The following HSBP1 variants were observed in gnomAD, a reference collection of about 807,000 sequenced individuals.
The protein encoded by HSBP1 is heat shock factor-binding protein 1.
In HSBP1, 5 loss-of-function variants were observed where a neutral mutation model predicts 9.6. The observed-to-expected ratio is 0.52, with a 90% CI of 0.27 to 1.09. The LOEUF is 1.09. HSBP1 is among the 50% of genes least tolerant of loss of function. The probability of loss-of-function intolerance (pLI) is 0.11; values close to 1 mark genes in which losing one functional copy is unlikely to be tolerated. For synonymous variants in HSBP1, 42 were observed against 33.3 expected, an observed-to-expected ratio of 1.26 and a Z score of -0.90; for missense variants, 121 against 96.3, an observed-to-expected ratio of 1.26 and a Z score of -1.07.
chr16:83,814,253 T>C lies in HSBP1; in HGVS notation c.*2835T>C, dbSNP rs145342378. On this transcript the variant is annotated 3_prime_UTR_variant, in exon 4 of 4. Coordinates refer to ENST00000433866, the MANE Select transcript of HSBP1 (RefSeq NM_001537.4). ...AGCTAGCGCCATTGAAAGCATTGAC[T>C]GTAAACCGCTGTACTGTGCTAAGCC... is the stretch of plus-strand genomic sequence containing the variant. 77 of 152,388 alleles carry C rather than the reference T, an allele frequency of 5.1e-4. No individual in the cohort carries two copies. The highest frequency in any genetic ancestry group is 1.8e-3 in the African/African-American group (73 of 41,592). 9.4% of individuals were successfully genotyped at this position (152,388 alleles called of 1,614,324 possible). A position where few individuals can be genotyped will look rare whatever the true frequency, so the allele number is the denominator to read the frequency against.
rs1035868905 is a variant in HSBP1 at position 83,816,081 on chromosome 16, A to C, written c.*4663A>C. On this transcript the variant is annotated 3_prime_UTR_variant, in exon 4 of 4. Transcript: ENST00000433866. ...AAGGGAGGGCAGCTCTGGGGCGAGT[A>C]AATTCTGCACCTCAGTAAAACTAAG... The C allele has an allele frequency of 6.6e-6, 1 of 152,192 alleles. No homozygotes were observed. Among genetic ancestry groups the C allele is most frequent in the Non-Finnish European group, 1.5e-5 (1 of 68,034 alleles). 9.4% of individuals were successfully genotyped at this position (152,192 alleles called of 1,614,324 possible).
rs1419389797 is a variant in HSBP1 at position 83,808,085 on chromosome 16, G to T, written c.9G>T (p.Glu3Asp). MA[E>D]TDPKTVQDLT... ...AGCTGGGCATCGGGGAGATGGCCGAGACTGACCCCAAGACCGTGCAGGACC... is the reference window on the plus strand; with the variant it reads ...AGCTGGGCATCGGGGAGATGGCCGATACTGACCCCAAGACCGTGCAGGACC... The change falls in exon 1 of 4, where the codon GAG becomes GAT. Residue 3 changes from glutamate (E) to aspartate (D), a missense_variant. By Grantham distance (45) the Glu-to-Asp change is conservative. Coordinates refer to ENST00000433866, the MANE Select transcript of HSBP1 (RefSeq NM_001537.4). 3.9e-5 allele frequency: 61 copies of T among 1,546,150 alleles called. No homozygotes were observed. The highest frequency in any genetic ancestry group is 5.1e-5 in the Non-Finnish European group (58 of 1,144,452).
chr16:83,819,339 T>C lies in HSBP1; in HGVS notation c.*7921T>C, dbSNP rs1338937475. 4 of 152,114 alleles carry C rather than the reference T, an allele frequency of 2.6e-5. No homozygotes were observed. The highest frequency in any genetic ancestry group is 9.7e-5 in the African/African-American group (4 of 41,416). 9.4% of individuals were successfully genotyped at this position (152,114 alleles called of 1,614,324 possible). A position where few individuals can be genotyped will look rare whatever the true frequency, so the allele number is the denominator to read the frequency against. ...AACACTGCGTAGAGAAATGGGAGTG[T>C]GGGCGATGCTCCCATGCTGGGAGTC... On this transcript the variant is annotated 3_prime_UTR_variant, in exon 4 of 4. Transcript: ENST00000433866.
At chr16:83,809,179 A>C (rs146192780) in intron 2 of HSBP1, 126 bp from the exon 3 acceptor site, 61 of 654,520 alleles carry the variant, frequency 9.3e-5, no homozygotes, top group African/African-American at 9.2e-4. Context: ...CCAGCGTGTA[A>C]CAGTGTCGAA....
rs1437047646 is a variant in HSBP1 at position 83,814,725 on chromosome 16, T to A, written c.*3307T>A. The A allele has an allele frequency of 6.6e-6, 1 of 152,270 alleles. No homozygotes were observed. Among genetic ancestry groups the A allele is most frequent in the Non-Finnish European group, 1.5e-5 (1 of 68,052 alleles). 9.4% of individuals were successfully genotyped at this position (152,270 alleles called of 1,614,324 possible). A position where few individuals can be genotyped will look rare whatever the true frequency, so the allele number is the denominator to read the frequency against. ...ACTGGATGTGAGTTTTTATTTGGAA[T>A]TTAAACTATTCAGAGCTGGTAGAAA... is the stretch of plus-strand genomic sequence containing the variant. On this transcript the variant is annotated 3_prime_UTR_variant, in exon 4 of 4. Coordinates refer to ENST00000433866, the MANE Select transcript of HSBP1 (RefSeq NM_001537.4).
intron 1 of HSBP1, 36 bp from the exon 2 acceptor site, chr16:83,808,644 A>G (rs779511777): frequency 2.0e-5 from 31 of 1,567,698 alleles, no homozygotes; most frequent in South Asian, 1.1e-4. Context: ...CTCAGGATCG[A>G]TGTGGACCGT....
rs943923647 is a variant in HSBP1, at chr16:83,811,508, C to A, written c.*90C>A. 3 of 152,168 alleles carry A rather than the reference C, an allele frequency of 2.0e-5. No homozygotes were observed. Among genetic ancestry groups the A allele is most frequent in the Non-Finnish European group, 4.4e-5 (3 of 68,024 alleles). 9.4% of individuals were successfully genotyped at this position (152,168 alleles called of 1,614,324 possible). On this transcript the variant is annotated 3_prime_UTR_variant, in exon 4 of 4. Transcript: ENST00000433866. ...TTTGCAGCTAACTACTATGTGTAGA[C>A]AGGTTTTATATTATAAAGTATGCAT...
Position 83,812,643 on chromosome 16 carries a change from A to T in HSBP1, c.*1225A>T, listed in dbSNP as rs564206099. 6.6e-6 allele frequency: 1 copy of T among 152,320 alleles called. No homozygotes were observed. The highest frequency in any genetic ancestry group is 2.1e-4 in the South Asian group (1 of 4,826). The allele number at this position is 152,320 out of a possible 1,614,324, so 9.4% of individuals were successfully genotyped here. On this transcript the variant is annotated 3_prime_UTR_variant, in exon 4 of 4. Coordinates refer to ENST00000433866, the MANE Select transcript of HSBP1 (RefSeq NM_001537.4). ...AAGAAATAATTTGTGCTGTATACAA[A>T]TTACATGGGGAACATAAAGGAGTGA...
Position 83,808,919 on chromosome 16 carries a change from C to G in HSBP1, c.112+173C>G, listed in dbSNP as rs1484834852. Among the ~76,000 whole-genome samples, 4 of 152,182 alleles carry G rather than the reference C, an allele frequency of 2.6e-5. No homozygotes were observed. The East Asian group carries it at 7.7e-4, about 29-fold the overall frequency. On this transcript the variant is annotated intron_variant, in intron 2 of 3. Coordinates refer to ENST00000433866, the MANE Select transcript of HSBP1 (RefSeq NM_001537.4). ...ACTGCGCCGAGAGCTAGGGGCAAAGCTGAGTTAGACTCCTGGCTCAAGGAG... is the reference window on the plus strand; with the variant it reads ...ACTGCGCCGAGAGCTAGGGGCAAAGGTGAGTTAGACTCCTGGCTCAAGGAG...
intron 2 of HSBP1, chr16:83,809,007 G>A (rs1458261507): frequency 1.8e-6 from 1 of 546,800 alleles, no homozygotes; most frequent in South Asian, 2.5e-5. Flanking sequence ...AAGCGCTTTT[G>A]TGTGTGTCTT....
Position 83,819,487 on chromosome 16 carries a change from C to G in HSBP1, c.*8069C>G, listed in dbSNP as rs1904793177. The G allele has an allele frequency of 6.6e-6, 1 of 152,058 alleles. No individual in the cohort carries two copies. The highest frequency in any genetic ancestry group is 6.5e-5 in the Admixed American group (1 of 15,268). The allele number at this position is 152,058 out of a possible 1,614,324, so 9.4% of individuals were successfully genotyped here. Reference sequence around the variant, plus strand: ...CTGAACCGAGGAGTCCACCCCTAAGCCCGAGGAACTGAGCGTGAAGAGCCC... The same window carrying G: ...CTGAACCGAGGAGTCCACCCCTAAGGCCGAGGAACTGAGCGTGAAGAGCCC... On this transcript the variant is annotated 3_prime_UTR_variant, in exon 4 of 4. Transcript: ENST00000433866.
In HSBP1 at chr16:83,819,067, G is replaced by A. The variant is rs1455361230; in HGVS notation, c.*7649G>A. 6.6e-6 allele frequency: 1 copy of A among 152,022 alleles called. No individual in the cohort carries two copies. 9.4% of individuals were successfully genotyped at this position (152,022 alleles called of 1,614,324 possible). On this transcript the variant is annotated 3_prime_UTR_variant, in exon 4 of 4. Coordinates refer to ENST00000433866, the MANE Select transcript of HSBP1 (RefSeq NM_001537.4). ...CCTCCAGGCGATTCTGAGAGTGAGA[G>A]AGCCAGGGCCTTCGGGCATCAACCT...
rs1461592035 is a variant in HSBP1 at position 83,816,774 on chromosome 16, G to A, written c.*5356G>A. The A allele has an allele frequency of 6.6e-6, 1 of 152,190 alleles. No homozygotes were observed. Among genetic ancestry groups the A allele is most frequent in the African/African-American group, 2.4e-5 (1 of 41,424 alleles). The allele number at this position is 152,190 out of a possible 1,614,324, so 9.4% of individuals were successfully genotyped here. ...ACAGTGCTGAGGTTGAGGAATCCCA[G>A]CTTAACCCATTCATGAGACCACCTG... On this transcript the variant is annotated 3_prime_UTR_variant, in exon 4 of 4. Transcript: ENST00000433866.
chr16:83,814,008 G>C lies in HSBP1; in HGVS notation c.*2590G>C, dbSNP rs1013752674. The C allele has an allele frequency of 6.0e-5, 9 of 149,542 alleles. No homozygotes were observed. Among genetic ancestry groups the C allele is most frequent in the African/African-American group, 2.2e-4 (9 of 40,798 alleles). The allele number at this position is 149,542 out of a possible 1,614,324, so 9.3% of individuals were successfully genotyped here. ...TTTAAGCCCCACACACACACACTTA[G>C]AGCACTGTTGCTATGGGAACATAGA... is the stretch of plus-strand genomic sequence containing the variant. On this transcript the variant is annotated 3_prime_UTR_variant, in exon 4 of 4. Transcript: ENST00000433866.
Position 83,814,593 on chromosome 16 carries a change from G to C in HSBP1, c.*3175G>C, listed in dbSNP as rs1286209282. ...CTGAGCTCCGAATCTCAGCTGTCCA[G>C]GCTGTCTGGAAATCATCAGCCCCAC... On this transcript the variant is annotated 3_prime_UTR_variant, in exon 4 of 4. Coordinates refer to ENST00000433866, the MANE Select transcript of HSBP1 (RefSeq NM_001537.4). The C allele has an allele frequency of 6.6e-6, 1 of 152,246 alleles. No individual in the cohort carries two copies. Among genetic ancestry groups the C allele is most frequent in the Non-Finnish European group, 1.5e-5 (1 of 68,056 alleles). 9.4% of individuals were successfully genotyped at this position (152,246 alleles called of 1,614,324 possible).
At chr16:83,809,132 G>C (rs1345111036) in intron 2 of HSBP1, 173 bp from the exon 3 acceptor site, 2 of 568,106 alleles carry the variant, frequency 3.5e-6, no homozygotes, top group East Asian at 2.9e-5. Context: ...AATCCGATGC[G>C]GGGTAGCCAT....
rs1236483765 is a variant in HSBP1, at chr16:83,817,308, A to G, written c.*5890A>G. 6.6e-6 allele frequency: 1 copy of G among 152,214 alleles called. No homozygotes were observed. The highest frequency in any genetic ancestry group is 2.4e-5 in the African/African-American group (1 of 41,456). 9.4% of individuals were successfully genotyped at this position (152,214 alleles called of 1,614,324 possible). On this transcript the variant is annotated 3_prime_UTR_variant, in exon 4 of 4. Transcript: ENST00000433866. ...CGTTACCTGGCATTCAATTCAATCC[A>G]TGTGTCACGCATGCCCCAACAATTT...
rs959110374 is a variant in HSBP1, at chr16:83,812,069, G to A, written c.*651G>A. 3.3e-5 allele frequency: 5 copies of A among 152,612 alleles called. No individual in the cohort carries two copies. Among genetic ancestry groups the A allele is most frequent in the Admixed American group, 3.3e-4 (5 of 15,278 alleles). The allele number at this position is 152,612 out of a possible 1,614,324, so 9.5% of individuals were successfully genotyped here. ...ACTGTCTTGTGTCAGAACTTTTACA[G>A]TACAGAAAATAACAGAATAGCCTTC... On this transcript the variant is annotated 3_prime_UTR_variant, in exon 4 of 4. Coordinates refer to ENST00000433866, the MANE Select transcript of HSBP1 (RefSeq NM_001537.4).
chr16:83,808,366 C>G, intron 1 of HSBP1: 1 of 550,426 alleles, frequency 1.8e-6, no homozygotes, highest in East Asian at 3.2e-5. Flanking sequence ...GTCGCGAACG[C>G]CCTCCGGGTC....
Sources: gnomAD v4.1 joint callset for allele counts (sites outside exome capture counted in the v4.1 genomes callset) on GRCh38, gnomAD v4.1.1 for gene constraint, MANE v1.5 for transcripts, NCBI Gene and HGNC (gene_info 2026-07-23, HGNC 2026-07-21) for gene names.